PKD1L3: variants seen among roughly 807,000 people sequenced by gnomAD.
The protein encoded by PKD1L3 is polycystin-1-like protein 3.
Under a neutral mutation model 184.1 loss-of-function variants are expected in PKD1L3, and 239 were observed. The ratio of observed to expected loss-of-function variants is 1.30; its 90% CI spans 1.17 to 1.45. The LOEUF is 1.45. PKD1L3 is among the 40% of genes most tolerant of loss of function. PKD1L3 has a pLI of 0.00. For missense variants in PKD1L3, 2,660 were observed against 2,067.2 expected (o/e 1.29, Z -5.56); for synonymous variants, 996 against 778.8 (o/e 1.28, Z -4.64).
At position 71,977,435 on chromosome 16, in the gene PKD1L3, G is replaced by A. The variant is rs1290280715; in HGVS notation, c.1560C>T (p.Thr520=). The A allele has an allele frequency of 1.1e-5, 17 of 1,551,232 alleles. No homozygotes were observed. The East Asian group carries it at 3.9e-4, about 36-fold the overall frequency. The change falls in exon 11 of 30, where the codon ACC becomes ACT. Residue 520 remains threonine, a synonymous_variant. Coordinates refer to ENST00000620267, the MANE Select transcript of PKD1L3 (RefSeq NM_181536.2). The part of the protein sequence containing the change: ...IMLWRNVSLE[T]HPTSLNMSTH... ...TGCTCATGTTGAGGCTGGTGGGATG[G>A]GTTTCCAAGCTAACATTTCTCCAGA... is the stretch of plus-strand genomic sequence containing the variant.
At position 71,953,008 on chromosome 16, in the gene PKD1L3, C is replaced by T. The variant is rs765753701; in HGVS notation, c.2895G>A (p.Gly965=). ...VILFPINLVI[G]RLFPLIEPQE... ...GTGGCTCAATCAACGGGAAGAGCCG[C>T]CCTATGACAAGATTGATTGGGAAGA... The change falls in exon 18 of 30, where the codon GGG becomes GGA. Residue 965 remains glycine (G), a synonymous_variant. Transcript: ENST00000620267. 3.9e-6 allele frequency: 6 copies of T among 1,548,910 alleles called. No individual in the cohort carries two copies. The highest frequency in any genetic ancestry group is 2.4e-5 in the South Asian group (2 of 83,442).
chr16:71,978,949 G>A (rs988235647), intron 9 of PKD1L3, among the ~76,000 whole-genome samples: 2 of 152,148 alleles, frequency 1.3e-5, no homozygotes, highest in Middle Eastern at 3.4e-3. Context: ...ATGAATTATC[G>A]TTGGGATCCC....
intron 15 of PKD1L3, 117 bp from the exon 16 acceptor site, chr16:71,963,468 A>T: frequency 2.7e-6 from 3 of 1,109,192 alleles, no homozygotes; most frequent in Non-Finnish European, 3.7e-6. Context: ...TTTCATTGCA[A>T]GGCAAGAACT....
chr16:71,994,629 C>T (rs181578499), intron 2 of PKD1L3, among the ~76,000 whole-genome samples: 2 of 152,240 alleles, frequency 1.3e-5, no homozygotes, highest in Admixed American at 1.3e-4. Flanking sequence ...GCAAAATTAC[C>T]TTAAAAATTG....
intron 28 of PKD1L3, 22 bp downstream of exon 28, chr16:71,933,398 G>C: frequency 1.3e-6 from 2 of 1,499,884 alleles, no homozygotes; most frequent in Non-Finnish European, 1.8e-6. Context: ...AATTCTGTGA[G>C]GAAACAAATT....
chr16:71,930,114 C>T lies in PKD1L3; in HGVS notation c.4996G>A (p.Val1666Ile), dbSNP rs1370980009. ...ATGGCCGAAACGAAAAGATTAATTA[C>T]CACAAGTACCATCAAGATGACACTG... ...LTSVILMVLVVINLFVSAILM... is the reference protein window; with the variant it reads ...LTSVILMVLVIINLFVSAILM... The change falls in exon 29 of 30, where the codon GTA (valine) becomes ATA (isoleucine). Residue 1666 changes from valine to isoleucine, a missense_variant. By Grantham distance (29) the Val-to-Ile change is conservative. Coordinates refer to ENST00000620267, the MANE Select transcript of PKD1L3 (RefSeq NM_181536.2). 1.3e-6 allele frequency: 2 copies of T among 1,551,578 alleles called. No individual in the cohort carries two copies. The highest frequency in any genetic ancestry group is 2.4e-5 in the East Asian group (1 of 40,916).
At chr16:71,959,157 A>G (rs1173947684) in intron 16 of PKD1L3, among the ~76,000 whole-genome samples, 3 of 151,852 alleles carry the variant, frequency 2.0e-5, no homozygotes, top group Non-Finnish European at 2.9e-5. Flanking sequence ...CTCACCTGTA[A>G]TCTCAGCACT....
At chr16:71,935,290 C>T (rs2038134527) in intron 26 of PKD1L3, 68 bp downstream of exon 26, 2 of 1,448,986 alleles carry the variant, frequency 1.4e-6, no homozygotes, top group South Asian at 2.8e-5. Flanking sequence ...TTGAAGAATA[C>T]TTGTGTATAA....
chr16:71,964,793 G>C (rs2039434126), intron 15 of PKD1L3, among the ~76,000 whole-genome samples: 1 of 151,260 alleles, frequency 6.6e-6, no homozygotes. Flanking sequence ...AGAATAGTTA[G>C]CCTTTTATGG....
chr16:71,954,027 G>T, intron 17 of PKD1L3, 78 bp downstream of exon 17: 1 of 1,239,410 alleles, frequency 8.1e-7, no homozygotes, highest in South Asian at 1.8e-5. Flanking sequence ...ACCAGCCTGG[G>T]TAACAGAGCA....
intron 13 of PKD1L3, among the ~76,000 whole-genome samples, chr16:71,968,494 C>G (rs1417552793): frequency 6.6e-6 from 1 of 152,156 alleles, no homozygotes; most frequent in Non-Finnish European, 1.5e-5. Flanking sequence ...CTAGAATTTC[C>G]AAGTGCAAGA....
chr16:71,937,202 C>T, intron 25 of PKD1L3, 90 bp downstream of exon 25: 1 of 1,301,050 alleles, frequency 7.7e-7, no homozygotes, highest in Non-Finnish European at 1.0e-6. Flanking sequence ...ACCACAGGTG[C>T]ATGCCACCAC....
rs1458037411 is a variant in PKD1L3, at chr16:71,967,258, G to A, written c.2344C>T (p.Pro782Ser). ...GRSEPHHLCD[P>S]QKTVFERGGL... Reference sequence around the variant, plus strand: ...CCTCGTTCAAAGACTGTCTTCTGGGGGTCACAGAGGTGATGGGGCTCACTC... The same window carrying A: ...CCTCGTTCAAAGACTGTCTTCTGGGAGTCACAGAGGTGATGGGGCTCACTC... Residue 782 changes from proline to serine, a missense_variant, in exon 15 of 30, where the codon CCC (proline) becomes TCC (serine). Transcript: ENST00000620267. The A allele has an allele frequency of 1.3e-6, 2 of 1,551,522 alleles. No homozygotes were observed. Among genetic ancestry groups the A allele is most frequent in the African/African-American group, 1.4e-5 (1 of 73,032 alleles).
At position 71,953,108 on chromosome 16, in the gene PKD1L3, T is replaced by A; in HGVS notation, c.2810-15A>T. ...AAATGGACGCACTGAAAGAAAAGCATGACATCAACTTTCATCTTCAACAAT... is the reference window on the plus strand; with the variant it reads ...AAATGGACGCACTGAAAGAAAAGCAAGACATCAACTTTCATCTTCAACAAT... On this transcript the variant is annotated splice_polypyrimidine_tract_variant and intron_variant, in intron 17 of 29. Coordinates refer to ENST00000620267, the MANE Select transcript of PKD1L3 (RefSeq NM_181536.2). The A allele has an allele frequency of 1.4e-6, 2 of 1,447,334 alleles. No homozygotes were observed. Among genetic ancestry groups the A allele is most frequent in the South Asian group, 2.9e-5 (2 of 68,286 alleles). The allele number at this position is 1,447,334 out of a possible 1,614,324, so 89.7% of individuals were successfully genotyped here. A position where few individuals can be genotyped will look rare whatever the true frequency, so the allele number is the denominator to read the frequency against.
Position 71,957,347 on chromosome 16 carries a change from T to C in PKD1L3, c.2613-3046A>G, listed in dbSNP as rs200079616. Among the ~76,000 whole-genome samples the C allele has an allele frequency of 9.2e-5, 14 of 152,238 alleles. No individual in the cohort carries two copies. The East Asian group carries it at 2.5e-3, about 27-fold the overall frequency. ...AAAACAAATAGCAAAATGGCAGATA[T>C]AAACCTTACCTTATTAGTAATTATA... On this transcript the variant is annotated intron_variant, in intron 16 of 29. Coordinates refer to ENST00000620267, the MANE Select transcript of PKD1L3 (RefSeq NM_181536.2).
Position 71,984,040 on chromosome 16 carries a change from G to C in PKD1L3, c.962C>G (p.Ala321Gly). The change falls in exon 6 of 30, where the codon GCT becomes GGT. Residue 321 changes from alanine (A) to glycine (G), a missense_variant. Transcript: ENST00000620267. ...TCCCAGTCACCCTCCACTTACCTGA[G>C]CTGGCTTAGAAAATCTTGGGGTTAA... ...TALTPRFSKP[A>G]QVNLINSLIY... is the part of the protein sequence containing the mutation. 1 of 1,551,944 alleles carries C rather than the reference G, an allele frequency of 6.4e-7. No homozygotes were observed. The highest frequency in any genetic ancestry group is 8.7e-7 in the Non-Finnish European group (1 of 1,146,926).
Position 71,953,055 on chromosome 16 carries a change from T to C in PKD1L3, c.2848A>G (p.Ser950Gly). 6.5e-7 allele frequency: 1 copy of C among 1,535,412 alleles called. No homozygotes were observed. Among genetic ancestry groups the C allele is most frequent in the Middle Eastern group, 1.7e-4 (1 of 5,962 alleles). ...AAGAGGATGACAGCAGTATGGATGC[T>C]GACCAGCAGTTCAGACCAGGCCACA... ...FAVAWSELLVSIHTAVILFPI... is the reference protein window; with the variant it reads ...FAVAWSELLVGIHTAVILFPI... Residue 950 changes from serine (S) to glycine (G), a missense_variant, in exon 18 of 30, where the codon AGC becomes GGC. Ser to Gly is a moderately conservative substitution (Grantham distance 56). Coordinates refer to ENST00000620267, the MANE Select transcript of PKD1L3 (RefSeq NM_181536.2).
intron 11 of PKD1L3, 115 bp from the exon 12 acceptor site, chr16:71,973,632 G>C (rs2039806282): frequency 2.1e-6 from 2 of 963,744 alleles, no homozygotes; most frequent in South Asian, 1.7e-5. Context: ...GATGAAACTA[G>C]AGTCACAAAT....
At chr16:71,961,987 G>A (rs1031157315) in intron 16 of PKD1L3, among the ~76,000 whole-genome samples, 1 of 152,174 alleles carries the variant, frequency 6.6e-6, no homozygotes, top group Non-Finnish European at 1.5e-5. Flanking sequence ...CACAGTGGCT[G>A]TATCTCGGCT....
Sources: allele counts gnomAD v4.1 joint callset (sites outside exome capture counted in the v4.1 genomes callset), GRCh38; gene constraint gnomAD v4.1.1; transcripts MANE v1.5; gene names NCBI Gene and HGNC (gene_info 2026-07-23, HGNC 2026-07-21).